Variants in KCNU1 observed in about 807,000 individuals in gnomAD.
KCNU1 encodes potassium calcium-activated channel subfamily U member 1.
In KCNU1, 93 loss-of-function variants were observed where a neutral mutation model predicts 126.8. That is an observed-to-expected ratio of 0.73 (90% CI 0.62 to 0.87). The LOEUF is 0.87. KCNU1 is among the 40% of genes least tolerant of loss of function. The pLI, the probability that KCNU1 is intolerant of heterozygous loss-of-function variation, is 0.00. For missense variants in KCNU1, 1,330 were observed against 1,367.1 expected, an observed-to-expected ratio of 0.97 and a Z score of 0.43; for synonymous variants, 523 against 494.2, an observed-to-expected ratio of 1.06 and a Z score of -0.77.
At chr8:36,838,460 G>T (rs1193742709) in intron 14 of KCNU1, among the ~76,000 whole-genome samples, 4 of 152,178 alleles carry the variant, frequency 2.6e-5, no homozygotes, top group Non-Finnish European at 5.9e-5. Context: ...TGAGGCTGAG[G>T]TTGGTGGGTC....
intron 24 of KCNU1, chr8:36,922,911 T>C: frequency 1.8e-6 from 1 of 549,356 alleles, no homozygotes; most frequent in East Asian, 4.4e-5. Flanking sequence ...AAGGCATCGC[T>C]GCAGACCAGG....
chr8:36,867,506 A>T (rs1330783890), intron 19 of KCNU1, among the ~76,000 whole-genome samples: 1 of 152,230 alleles, frequency 6.6e-6, no homozygotes. Context: ...CAAAGTTGTT[A>T]TAAAAACATG....
In KCNU1 at chr8:36,931,389, C is replaced by T. The variant is rs578205483; in HGVS notation, c.2931+244C>T. ...TAGATAAAGAAGTTGTTATTATCCC[C>T]ATCTTCTAGATAAATAACCTGAATC... On this transcript the variant is annotated intron_variant, in intron 25 of 26. Transcript: ENST00000399881. Among the ~76,000 whole-genome samples the T allele has an allele frequency of 1.6e-4, 25 of 152,094 alleles. 1 individual carries two copies. In the South Asian group the frequency reaches 4.8e-3, roughly 29 times the overall value.
chr8:36,793,388 A>G (rs895292298), intron 2 of KCNU1, among the ~76,000 whole-genome samples: 1 of 151,792 alleles, frequency 6.6e-6, no homozygotes, highest in African/African-American at 2.4e-5. Context: ...ATAAATAAAT[A>G]AAAAGAAAAA....
chr8:36,825,649 T>A (rs555914101), intron 10 of KCNU1, among the ~76,000 whole-genome samples: 2 of 152,324 alleles, frequency 1.3e-5, no homozygotes, highest in African/African-American at 4.8e-5. Flanking sequence ...ACCTGAATAA[T>A]GTACATTGTA....
chr8:36,871,133 G>A (rs1315187795), intron 19 of KCNU1, among the ~76,000 whole-genome samples: 1 of 151,862 alleles, frequency 6.6e-6, no homozygotes, highest in East Asian at 1.9e-4. Flanking sequence ...ATAATTATAG[G>A]GATAATCTAG....
rs762924310 is a variant in KCNU1, at chr8:36,922,629, G to A, written c.2736G>A (p.Thr912=). The change falls in exon 24 of 27, where the codon ACG becomes ACA. Residue 912 remains threonine (T), a splice_region_variant and synonymous_variant. Transcript: ENST00000399881. ...GCTTCTTGGATTCTCTGCTGGCCAC[G>A]GTAAGAAAAGCTAAGCCATGGAGCC... is the stretch of plus-strand genomic sequence containing the variant. ...SGSFLDSLLA[T]AFYNYHVLEL... 2.0e-5 allele frequency: 32 copies of A among 1,612,070 alleles called. No homozygotes were observed. The East Asian group carries it at 2.7e-4, about 13-fold the overall frequency.
In KCNU1 at chr8:36,836,285, G is replaced by A. The variant is rs1160067930; in HGVS notation, c.1296-11G>A. On this transcript the variant is annotated splice_polypyrimidine_tract_variant and intron_variant, in intron 12 of 26. Coordinates refer to ENST00000399881, the MANE Select transcript of KCNU1 (RefSeq NM_001031836.3). ...ACACATGACTAATGAGAGTGTTTGG[G>A]GTTTATATAGGGTGCTCTCTATCAA... The A allele has an allele frequency of 3.2e-6, 5 of 1,574,960 alleles. No homozygotes were observed. The highest frequency in any genetic ancestry group is 4.4e-6 in the Non-Finnish European group (5 of 1,145,460).
intron 2 of KCNU1, chr8:36,795,562 G>A (rs1029299241): frequency 3.3e-5 from 5 of 153,072 alleles, no homozygotes; most frequent in Non-Finnish European, 7.3e-5. Context: ...GTGGGGGTTG[G>A]GCTGGACACT....
Position 36,840,927 on chromosome 8 carries a change from C to T in KCNU1, c.1632-5C>T, listed in dbSNP as rs757743160. Reference sequence around the variant, plus strand: ...CTCCTTTTGACTCCTCGTCTTCCTTCCCAGGCTCTGCTTTCTGAAGATGCA... The same window carrying T: ...CTCCTTTTGACTCCTCGTCTTCCTTTCCAGGCTCTGCTTTCTGAAGATGCA... On this transcript the variant is annotated splice_region_variant and splice_polypyrimidine_tract_variant and intron_variant, in intron 15 of 26. Transcript: ENST00000399881. 3 of 1,608,968 alleles carry T rather than the reference C, an allele frequency of 1.9e-6. No individual in the cohort carries two copies. Among genetic ancestry groups the T allele is most frequent in the Non-Finnish European group, 2.6e-6 (3 of 1,175,526 alleles).
intron 24 of KCNU1, among the ~76,000 whole-genome samples, chr8:36,924,453 C>T (rs1012791805): frequency 6.6e-6 from 1 of 152,182 alleles, no homozygotes; most frequent in African/African-American, 2.4e-5. Flanking sequence ...GATTGTGTTG[C>T]CCTGGGCTCT....
chr8:36,875,063 AG>A (rs1806231326), intron 19 of KCNU1, among the ~76,000 whole-genome samples: 1 of 152,080 alleles, frequency 6.6e-6, no homozygotes, highest in Non-Finnish European at 1.5e-5. Context: ...TTAAGGTACC[AG>A]TGGGGAAAAA....
intron 3 of KCNU1, among the ~76,000 whole-genome samples, chr8:36,804,797 GT>G (rs1432277500): frequency 6.6e-6 from 1 of 152,092 alleles, no homozygotes; most frequent in Non-Finnish European, 1.5e-5. Flanking sequence ...TTTGAAATTG[GT>G]TCAGATCAAT....
chr8:36,900,208 G>C (rs542033148), intron 19 of KCNU1, among the ~76,000 whole-genome samples: 1 of 152,208 alleles, frequency 6.6e-6, no homozygotes, highest in South Asian at 2.1e-4. Flanking sequence ...GGAAGGAATC[G>C]CAGAGGCCTT....
At chr8:36,907,923 G>A (rs1441437207) in intron 20 of KCNU1, among the ~76,000 whole-genome samples, 1 of 152,216 alleles carries the variant, frequency 6.6e-6, no homozygotes, top group African/African-American at 2.4e-5. Flanking sequence ...ACAACTTTTA[G>A]TGAGTTAAGA....
chr8:36,923,168 C>T (rs891528435), intron 24 of KCNU1: 16 of 431,632 alleles, frequency 3.7e-5, no homozygotes, highest in Non-Finnish European at 7.0e-5. Context: ...AGACCTTTTC[C>T]ATCCATTAGG....
intron 19 of KCNU1, among the ~76,000 whole-genome samples, chr8:36,873,656 G>A (rs1446528716): frequency 1.3e-5 from 2 of 152,072 alleles, no homozygotes; most frequent in East Asian, 1.9e-4. Flanking sequence ...TCCACAGCTG[G>A]CTGAGGACTG....
chr8:36,908,527 C>G (rs1050638378), intron 20 of KCNU1, among the ~76,000 whole-genome samples: 15 of 108,534 alleles, frequency 1.4e-4, no homozygotes, highest in Admixed American at 3.8e-4. Flanking sequence ...CCCCCTCCCC[C>G]CACCCCACGA....
chr8:36,802,578 G>A (rs1803351496), intron 2 of KCNU1, among the ~76,000 whole-genome samples: 1 of 152,124 alleles, frequency 6.6e-6, no homozygotes, highest in African/African-American at 2.4e-5. Context: ...GAATCTGGGA[G>A]GATAATAGTT....
Sources: allele counts gnomAD v4.1 joint callset (sites outside exome capture counted in the v4.1 genomes callset), GRCh38; gene constraint gnomAD v4.1.1; transcripts MANE v1.5; gene names NCBI Gene and HGNC (gene_info 2026-07-23, HGNC 2026-07-21).